The following LRP4 variants were observed in gnomAD, a reference collection of about 807,000 sequenced individuals.
The protein encoded by LRP4 is low-density lipoprotein receptor-related protein 4.
A neutral mutation model predicts 220.3 loss-of-function variants in LRP4; 95 were observed. That is an observed-to-expected ratio of 0.43 (90% confidence interval 0.37 to 0.51). The LOEUF (loss-of-function observed/expected upper bound fraction) is 0.51, where lower values mean the gene tolerates loss of function less well. Among genes scored for constraint, LRP4 ranks in the 20% least tolerant of loss-of-function variants. The pLI is 0.00. For missense variants in LRP4, 1,925 were observed against 2,567.0 expected, an observed-to-expected ratio of 0.75 and a Z score of 5.40; for synonymous variants, 903 against 954.6, an observed-to-expected ratio of 0.95 and a Z score of 1.00.
At position 46,873,147 on chromosome 11, in the gene LRP4, T is replaced by A. The variant is rs144169411; in HGVS notation, c.4536A>T (p.Thr1512=). ...DGSERKVLIN[T]DLGWPNGLTL... ...TAAGGCCATTGGGCCAACCCAGGTC[T>A]GTGTTGATGAGGACCTTCCGCTCAG... The change falls in exon 30 of 38, where the codon ACA becomes ACT. Residue 1512 remains threonine, a synonymous_variant. Coordinates refer to ENST00000378623, the MANE Select transcript of LRP4 (RefSeq NM_002334.4). This position sits in a 1 kb window ranked among gnomAD's most constrained non-coding sequence, Gnocchi z 4.2. The A allele has an allele frequency of 3.0e-4, 488 of 1,614,228 alleles. No individual in the cohort carries two copies. The highest frequency in any genetic ancestry group is 4.9e-4 in the Middle Eastern group (3 of 6,062).
intron 1 of LRP4, among the ~76,000 whole-genome samples, chr11:46,916,884 G>GT (rs1256989828): frequency 6.6e-6 from 1 of 152,186 alleles, no homozygotes; most frequent in Non-Finnish European, 1.5e-5. Flanking sequence ...TCCTACCCCA[G>GT]TAGGGCCGCT....
rs1166169188 is a variant in LRP4 at position 46,886,288 on chromosome 11, G to A, written c.2424+37C>T. 3 of 1,596,024 alleles carry A rather than the reference G, an allele frequency of 1.9e-6. No individual in the cohort carries two copies. The African/African-American group carries it at 4.0e-5, about 21-fold the overall frequency. On this transcript the variant is annotated intron_variant, in intron 17 of 37. Coordinates refer to ENST00000378623, the MANE Select transcript of LRP4 (RefSeq NM_002334.4). Reference sequence around the variant, plus strand: ...TGGGAAGCCCTTCCCTGGAGAGGGTGGATTCCACCCTTCAACCTCCCCACG... The same window carrying A: ...TGGGAAGCCCTTCCCTGGAGAGGGTAGATTCCACCCTTCAACCTCCCCACG...
Position 46,877,229 on chromosome 11 carries a change from T to C in LRP4, c.3247A>G (p.Thr1083Ala). 1.2e-6 allele frequency: 2 copies of C among 1,613,808 alleles called. No homozygotes were observed. Among genetic ancestry groups the C allele is most frequent in the Non-Finnish European group, 1.7e-6 (2 of 1,179,864 alleles). ...VVPINITMKNTIAIGVDPQEG... is the reference protein window; with the variant it reads ...VVPINITMKNAIAIGVDPQEG... ...TGGGGGTCTACTCCAATGGCAATGG[T>C]GTTCTTCATGGTAATGTTGATTGGT... Residue 1083 changes from threonine to alanine, a missense_variant, in exon 23 of 38, where the codon ACC becomes GCC. Thr to Ala is a moderately conservative substitution (Grantham distance 58). Around this residue, in one of 3 missense-constraint regions of LRP4, gnomAD observed 1,244 missense variants for 1,624.9 expected, o/e 0.77. Coordinates refer to ENST00000378623, the MANE Select transcript of LRP4 (RefSeq NM_002334.4).
rs1453731610 is a variant in LRP4, at chr11:46,862,665, C to A, written c.5326G>T (p.Val1776Leu). ...GGTTTGGGGATTGCTTCAATCTTCA[C>A]TTCCTGTGTGGATGTTCGGTAGGAG... ...NPSYRTSTQE[V>L]KIEAIPKPAM... Residue 1776 changes from valine to leucine, a missense_variant, in exon 37 of 38, where the codon GTG becomes TTG. By Grantham distance (32) the Val-to-Leu change is conservative. This residue lies in a region of LRP4 where 1,244 missense variants were observed against 1,624.9 expected (regional missense o/e 0.77). Transcript: ENST00000378623. 6.2e-7 allele frequency: 1 copy of A among 1,613,968 alleles called. No homozygotes were observed. Among genetic ancestry groups the A allele is most frequent in the Admixed American group, 1.7e-5 (1 of 59,996 alleles).
chr11:46,862,620 A>G lies in LRP4; in HGVS notation c.5371T>C (p.Cys1791Arg). ...TCAATTTTTACCTCTTTCTTATAGC[A>G]CAGCTGGTTGTACATGGCTGGTTTG... ...IPKPAMYNQL[C>R]YKKEGGPDHN... Residue 1791 changes from cysteine to arginine, a missense_variant, in exon 37 of 38, where the codon TGC becomes CGC. Around this residue, in one of 3 missense-constraint regions of LRP4, gnomAD observed 1,244 missense variants for 1,624.9 expected, o/e 0.77. Coordinates refer to ENST00000378623, the MANE Select transcript of LRP4 (RefSeq NM_002334.4). 6.2e-7 allele frequency: 1 copy of G among 1,614,048 alleles called. No homozygotes were observed.
intron 16 of LRP4, among the ~76,000 whole-genome samples, chr11:46,887,121 G>A (rs982921146): frequency 1.2e-4 from 19 of 152,158 alleles, no homozygotes; most frequent in African/African-American, 4.3e-4. Context: ...TGGCTACAAA[G>A]CACCAGAGCT....
chr11:46,904,812 A>G (rs1311609688), intron 1 of LRP4, among the ~76,000 whole-genome samples: 2 of 151,922 alleles, frequency 1.3e-5, no homozygotes, highest in Non-Finnish European at 2.9e-5. Context: ...TCTACAGAAA[A>G]GAAATTTACA....
In LRP4 at chr11:46,897,356, TTTTTTATTTTTA is replaced by T. The variant is rs1243417691; in HGVS notation, c.797-374_797-363del. ...TGTCTTTTTTTTTTTTTCTTTTTAT[TTTTTTATTTTTA>T]TTTTTTTTTATTTTTTAATTTTTTT... On this transcript the variant is annotated intron_variant, in intron 7 of 37. Coordinates refer to ENST00000378623, the MANE Select transcript of LRP4 (RefSeq NM_002334.4). Among the ~76,000 whole-genome samples the T allele has an allele frequency of 5.0e-4, 53 of 106,926 alleles. No individual in the cohort carries two copies. In the East Asian group the frequency reaches 0.017, roughly 35 times the overall value. The allele number at this position is 106,926 out of a possible 152,430, so 70.1% of individuals were successfully genotyped here. A position where few individuals can be genotyped will look rare whatever the true frequency, so the allele number is the denominator to read the frequency against.
At position 46,875,209 on chromosome 11, in the gene LRP4, G is replaced by T; in HGVS notation, c.3926-106C>A. On this transcript the variant is annotated intron_variant, in intron 27 of 37. Coordinates refer to ENST00000378623, the MANE Select transcript of LRP4 (RefSeq NM_002334.4). This position sits in a 1 kb window ranked among gnomAD's most constrained non-coding sequence, Gnocchi z 4.5. ...GGCTCTTTGCTGTTCTAAGTGACAG[G>T]ATTCAGTGCCTGGCAGGGTGAGGTA... 8.2e-7 allele frequency: 1 copy of T among 1,219,180 alleles called. No homozygotes were observed. The highest frequency in any genetic ancestry group is 1.2e-6 in the Non-Finnish European group (1 of 855,214). The allele number at this position is 1,219,180 out of a possible 1,614,324, so 75.5% of individuals were successfully genotyped here.
Position 46,918,522 on chromosome 11 carries a change from C to T in LRP4, c.-143G>A. 7.4e-6 allele frequency: 3 copies of T among 403,034 alleles called. No homozygotes were observed. Among genetic ancestry groups the T allele is most frequent in the Non-Finnish European group, 1.1e-5 (3 of 274,592 alleles). The allele number at this position is 403,034 out of a possible 1,614,324, so 25.0% of individuals were successfully genotyped here. On this transcript the variant is annotated 5_prime_UTR_variant, in exon 1 of 38. Coordinates refer to ENST00000378623, the MANE Select transcript of LRP4 (RefSeq NM_002334.4). The surrounding 1 kb of genome is among the most constrained non-coding windows in gnomAD (Gnocchi z 6.0). ...CCCGCAAGTCGCCCTCGGGCCGCCGCCGCCTCCAGTGCTGCCAGAGCCGAC... is the reference window on the plus strand; with the variant it reads ...CCCGCAAGTCGCCCTCGGGCCGCCGTCGCCTCCAGTGCTGCCAGAGCCGAC...
At chr11:46,859,936 A>G (rs2134752745) in intron 37 of LRP4, among the ~76,000 whole-genome samples, 1 of 152,216 alleles carries the variant, frequency 6.6e-6, no homozygotes, top group East Asian at 1.9e-4. Flanking sequence ...AGGGGACTCT[A>G]GAAAATCCTC....
intron 20 of LRP4, among the ~76,000 whole-genome samples, chr11:46,880,431 A>G (rs1481316258): frequency 8.4e-6 from 1 of 118,920 alleles, no homozygotes; most frequent in East Asian, 2.1e-4. Flanking sequence ...TGAGACCCCC[A>G]TCTCTACAAA....
Position 46,870,247 on chromosome 11 carries a change from C to A in LRP4, c.4693-1115G>T, listed in dbSNP as rs1259150291. On this transcript the variant is annotated intron_variant, in intron 31 of 37. Transcript: ENST00000378623. ...TCACACCACCGCACTCCAGCCTGGGCGACACAGCAAGACTCCATCTTAAAA... is the reference window on the plus strand; with the variant it reads ...TCACACCACCGCACTCCAGCCTGGGAGACACAGCAAGACTCCATCTTAAAA... Among the ~76,000 whole-genome samples, 2 of 151,716 alleles carry A rather than the reference C, an allele frequency of 1.3e-5. 1 individual carries two copies. Among genetic ancestry groups the A allele is most frequent in the South Asian group, 4.2e-4 (2 of 4,810 alleles).
intron 12 of LRP4, among the ~76,000 whole-genome samples, chr11:46,893,901 A>ATT (rs766275851): frequency 2.9e-5 from 3 of 104,188 alleles, no homozygotes; most frequent in Admixed American, 2.0e-4. Context: ...CGCTTGAACT[A>ATT]TTTTTTTTTT....
chr11:46,874,475 G>A, intron 28 of LRP4: 1 of 314,456 alleles, frequency 3.2e-6, no homozygotes, highest in Non-Finnish European at 5.9e-6. Context: ...TGGTTATATG[G>A]CCTACTCATC....
In LRP4 at chr11:46,897,519, G is replaced by A. The variant is rs558782773; in HGVS notation, c.797-525C>T. ...GGTTTTCCTAGGCAGAGGACCCTGC[G>A]GCCTTCCGCAGTGTTTGTGTCCCTG... On this transcript the variant is annotated intron_variant, in intron 7 of 37. Coordinates refer to ENST00000378623, the MANE Select transcript of LRP4 (RefSeq NM_002334.4). 4.7e-5 allele frequency among the ~76,000 whole-genome samples: 7 copies of A among 150,052 alleles called. No individual in the cohort carries two copies. The South Asian group carries it at 1.1e-3, about 23-fold the overall frequency.
intron 16 of LRP4, among the ~76,000 whole-genome samples, chr11:46,888,548 C>CAAAAAAA (rs71042635): frequency 0.14 from 4,442 of 31,128 alleles, 1,260 homozygotes; most frequent in East Asian, 0.56. Flanking sequence ...AAAACTGTCT[C>CAAAAAAA]AAAAAAAAAA....
Position 46,858,257 on chromosome 11 carries a change from G to GT in LRP4, c.*725dup, listed in dbSNP as rs1331139606. On this transcript the variant is annotated 3_prime_UTR_variant, in exon 38 of 38. Coordinates refer to ENST00000378623, the MANE Select transcript of LRP4 (RefSeq NM_002334.4). ...CAGTAGCCTTGTGATAGGGGACCCA[G>GT]TTATCTGAATGTAGAAACAGCTCCA... 6.5e-6 allele frequency: 1 copy of GT among 154,430 alleles called. No homozygotes were observed. Among genetic ancestry groups the GT allele is most frequent in the African/African-American group, 2.4e-5 (1 of 41,454 alleles). The allele number at this position is 154,430 out of a possible 1,614,324, so 9.6% of individuals were successfully genotyped here. A position where few individuals can be genotyped will look rare whatever the true frequency, so the allele number is the denominator to read the frequency against.
chr11:46,860,498 G>A (rs963061886), intron 37 of LRP4, among the ~76,000 whole-genome samples: 3 of 152,030 alleles, frequency 2.0e-5, no homozygotes, highest in Non-Finnish European at 2.9e-5. Context: ...TATACCAACC[G>A]ACATACCACC....
Sources: allele counts gnomAD v4.1 joint callset (sites outside exome capture counted in the v4.1 genomes callset), GRCh38; gene constraint gnomAD v4.1.1; regional missense constraint gnomAD v4.1.1; non-coding constraint Gnocchi (gnomAD v3.1); transcripts MANE v1.5; gene names NCBI Gene and HGNC (gene_info 2026-07-23, HGNC 2026-07-21).